Variants in KCNH7 observed in about 807,000 individuals in gnomAD.
The protein encoded by KCNH7 is voltage-gated inwardly rectifying potassium channel KCNH7.
KCNH7 carries 49 observed loss-of-function variants against 120.8 expected under a neutral mutation model. The ratio of observed to expected loss-of-function variants is 0.41; its 90% CI spans 0.32 to 0.51. The LOEUF (loss-of-function observed/expected upper bound fraction) is 0.51, where lower values mean the gene tolerates loss of function less well. KCNH7 is among the 20% of genes least tolerant of loss of function. The probability of loss-of-function intolerance (pLI) is 0.38; values close to 1 mark genes in which losing one functional copy is unlikely to be tolerated. For synonymous variants in KCNH7, 547 were observed against 516.1 expected, an observed-to-expected ratio of 1.06 and a Z score of -0.81; for missense variants, 1,097 against 1,446.6, an observed-to-expected ratio of 0.76 and a Z score of 3.92.
intron 2 of KCNH7, among the ~76,000 whole-genome samples, chr2:162,678,962 A>G (rs925977010): frequency 6.6e-6 from 1 of 151,654 alleles, no homozygotes; most frequent in African/African-American, 2.4e-5. Context: ...ATTGTCACCA[A>G]TGCCTTTGCA....
At chr2:162,685,941 C>T (rs1343779202) in intron 2 of KCNH7, among the ~76,000 whole-genome samples, 1 of 151,998 alleles carries the variant, frequency 6.6e-6, no homozygotes, top group African/African-American at 2.4e-5. Context: ...GAAGACAAAA[C>T]AATAAAATAG....
At chr2:162,807,887 T>C (rs1684606078) in intron 2 of KCNH7, among the ~76,000 whole-genome samples, 1 of 152,190 alleles carries the variant, frequency 6.6e-6, no homozygotes, top group African/African-American at 2.4e-5. Flanking sequence ...TTTCACTATA[T>C]TGGCCAGGCT....
chr2:162,407,813 C>A (rs907285431), intron 9 of KCNH7, among the ~76,000 whole-genome samples: 7 of 151,876 alleles, frequency 4.6e-5, no homozygotes, highest in African/African-American at 1.7e-4. Flanking sequence ...TTGTAGATGA[C>A]CTTAGCTTGC....
intron 2 of KCNH7, among the ~76,000 whole-genome samples, chr2:162,787,068 C>G (rs1486981959): frequency 2.0e-5 from 3 of 152,174 alleles, no homozygotes; most frequent in Non-Finnish European, 4.4e-5. Context: ...CATAGTGAAC[C>G]CCAGTATCAG....
intron 2 of KCNH7, among the ~76,000 whole-genome samples, chr2:162,751,388 C>G (rs1367880473): frequency 2.0e-5 from 3 of 152,082 alleles, no homozygotes. Context: ...AAATTCCACA[C>G]TAGCTTTTCT....
At chr2:162,607,347 C>A (rs1682814544) in intron 2 of KCNH7, among the ~76,000 whole-genome samples, 1 of 151,514 alleles carries the variant, frequency 6.6e-6, no homozygotes, top group East Asian at 1.9e-4. Context: ...CCAAGATTGT[C>A]CCACTGCACT....
chr2:162,808,441 A>G (rs190609826), intron 2 of KCNH7, among the ~76,000 whole-genome samples: 4 of 152,292 alleles, frequency 2.6e-5, no homozygotes, highest in Admixed American at 2.0e-4. Context: ...GTGGAGCAGG[A>G]CTGAGCTTCA....
rs750047090 is a variant in KCNH7 at position 162,504,470 on chromosome 2, T to C, written c.1101A>G (p.Thr367=). The C allele has an allele frequency of 3.7e-6, 6 of 1,612,674 alleles. No individual in the cohort carries two copies. In the East Asian group the frequency reaches 8.9e-5, roughly 24 times the overall value. The change falls in exon 6 of 16, where the codon ACA becomes ACG. Residue 367 remains threonine (T), a synonymous_variant. Coordinates refer to ENST00000332142, the MANE Select transcript of KCNH7 (RefSeq NM_033272.4). ...GGGTCACTTTCTCAGTCACATTGTGTGTTCGATCTTTAACCTTGGGTGCAA... is the reference window on the plus strand; with the variant it reads ...GGGTCACTTTCTCAGTCACATTGTGCGTTCGATCTTTAACCTTGGGTGCAA... ...TIIAPKVKDR[T]HNVTEKVTQV... is the part of the protein sequence containing the mutation.
intron 2 of KCNH7, among the ~76,000 whole-genome samples, chr2:162,738,187 T>G (rs992198291): frequency 6.6e-6 from 1 of 151,710 alleles, no homozygotes; most frequent in Non-Finnish European, 1.5e-5. Flanking sequence ...AAGATAATAG[T>G]CAAGTCATTG....
chr2:162,504,812 C>A (rs1040919466), intron 5 of KCNH7, among the ~76,000 whole-genome samples, 155 bp from the exon 6 acceptor site: 3 of 151,852 alleles, frequency 2.0e-5, no homozygotes, highest in African/African-American at 7.3e-5. Flanking sequence ...GGCTTAGGGT[C>A]ACCTTGGGCC....
At chr2:162,483,308 G>A (rs997406471) in intron 6 of KCNH7, among the ~76,000 whole-genome samples, 4 of 152,200 alleles carry the variant, frequency 2.6e-5, no homozygotes, top group Non-Finnish European at 5.9e-5. Flanking sequence ...AGAATGAAGT[G>A]GGTTAATAAT....
At chr2:162,469,616 C>G (rs115914178) in intron 6 of KCNH7, among the ~76,000 whole-genome samples, 346 of 152,204 alleles carry the variant, frequency 2.3e-3, no homozygotes, top group African/African-American at 8.2e-3. Context: ...CTGTGGTCCT[C>G]GAGCCTTTTT....
chr2:162,506,926 G>T (rs1690902461), intron 5 of KCNH7, among the ~76,000 whole-genome samples: 1 of 151,844 alleles, frequency 6.6e-6, no homozygotes, highest in African/African-American at 2.4e-5. Context: ...CTGCCTTAAA[G>T]AATTGCCTTA....
At chr2:162,463,832 C>T (rs189388889) in intron 6 of KCNH7, among the ~76,000 whole-genome samples, 85 of 151,224 alleles carry the variant, frequency 5.6e-4, no homozygotes, top group African/African-American at 1.8e-3. Context: ...AAAAGCATTC[C>T]CCTTTTTAAA....
rs966311447 is a variant in KCNH7 at position 162,711,245 on chromosome 2, T to C, written c.307+125292A>G. Among the ~76,000 whole-genome samples, 8 of 152,360 alleles carry C rather than the reference T, an allele frequency of 5.3e-5. 1 individual carries two copies. In the South Asian group the frequency reaches 1.7e-3, roughly 32 times the overall value. On this transcript the variant is annotated intron_variant, in intron 2 of 15. Transcript: ENST00000332142. ...TATTCCTAGAGCAATAATCTAGATG[T>C]TATCATCCGGCCTTTGTATCAGCAG... is the stretch of plus-strand genomic sequence containing the variant.
chr2:162,717,994 T>C (rs1687188110), intron 2 of KCNH7, among the ~76,000 whole-genome samples: 1 of 151,912 alleles, frequency 6.6e-6, no homozygotes, highest in Non-Finnish European at 1.5e-5. Context: ...CACATCATGG[T>C]TCATCCTTTG....
intron 9 of KCNH7, among the ~76,000 whole-genome samples, chr2:162,419,277 A>C (rs1205419524): frequency 6.8e-6 from 1 of 147,436 alleles, no homozygotes; most frequent in African/African-American, 2.5e-5. Context: ...CCCAGGCTAA[A>C]AAAAAAAAAA....
intron 2 of KCNH7, among the ~76,000 whole-genome samples, chr2:162,815,540 A>C (rs1254892116): frequency 6.6e-6 from 1 of 152,248 alleles, no homozygotes; most frequent in Non-Finnish European, 1.5e-5. Flanking sequence ...AAAGAATAAA[A>C]GAAAGTGAGA....
Position 162,537,029 on chromosome 2 carries a change from C to A in KCNH7, c.359G>T (p.Gly120Val). ...THIIPVKNQE[G>V]VAMMFIINFE... ...ATTAATGATGAACATCATAGCCACG[C>A]CCTCTTGGTTTTTCACTGGAATTAT... The change falls in exon 3 of 16, where the codon GGC (glycine) becomes GTC (valine). Residue 120 changes from glycine (G) to valine (V), a missense_variant. Physicochemically the swap from Gly to Val is moderately radical, Grantham distance 109. Transcript: ENST00000332142. 6.2e-7 allele frequency: 1 copy of A among 1,612,534 alleles called. No individual in the cohort carries two copies. The highest frequency in any genetic ancestry group is 8.5e-7 in the Non-Finnish European group (1 of 1,179,002).
Sources: allele counts gnomAD v4.1 joint callset (sites outside exome capture counted in the v4.1 genomes callset), GRCh38; gene constraint gnomAD v4.1.1; transcripts MANE v1.5; gene names NCBI Gene and HGNC (gene_info 2026-07-23, HGNC 2026-07-21).